Variants in RUVBL1 observed in about 807,000 individuals in gnomAD.
The protein encoded by RUVBL1 is ruvB-like 1.
Under a neutral mutation model 52.4 loss-of-function variants are expected in RUVBL1, and 4 were observed. That is an observed-to-expected ratio of 0.08 (90% CI 0.04 to 0.17). The LOEUF is 0.17. Among genes scored for constraint, RUVBL1 ranks in the 10% least tolerant of loss-of-function variants. The pLI is 1.00. For missense variants in RUVBL1, 298 were observed against 572.8 expected (o/e 0.52, Z 4.90); for synonymous variants, 217 against 214.4 (o/e 1.01, Z -0.10).
At position 128,112,873 on chromosome 3, in the gene RUVBL1, T is replaced by C; in HGVS notation, c.361+15A>G. 1.9e-6 allele frequency: 3 copies of C among 1,611,990 alleles called. No individual in the cohort carries two copies. The highest frequency in any genetic ancestry group is 2.5e-6 in the Non-Finnish European group (3 of 1,179,318). On this transcript the variant is annotated intron_variant, in intron 3 of 10. Transcript: ENST00000322623. ...AAGTGAGACCAACTCCTCCCACAAATGTGACACTACTTACCAATGGCCCTG... is the reference window on the plus strand; with the variant it reads ...AAGTGAGACCAACTCCTCCCACAAACGTGACACTACTTACCAATGGCCCTG...
chr3:128,096,462 C>G (rs546102431), intron 8 of RUVBL1, among the ~76,000 whole-genome samples: 1 of 152,230 alleles, frequency 6.6e-6, no homozygotes, highest in South Asian at 2.1e-4. Context: ...CAAAGGCAGG[C>G]CAAAGGGATG....
chr3:128,079,671 T>G (rs1942418472), downstream of RUVBL1, among the ~76,000 whole-genome samples: 1 of 152,180 alleles, frequency 6.6e-6, no homozygotes, highest in South Asian at 2.1e-4. Context: ...CAGTGTCTCC[T>G]CAGGGGCCAG....
At chr3:128,101,026 A>G (rs1943097806) in intron 5 of RUVBL1, among the ~76,000 whole-genome samples, 1 of 152,210 alleles carries the variant, frequency 6.6e-6, no homozygotes. Flanking sequence ...GGCCAAATCC[A>G]GTAGATTAAC....
rs1157357090 is a variant in RUVBL1 at position 128,081,961 on chromosome 3, A to T, written c.1211+522T>A. 4.3e-5 allele frequency: 7 copies of T among 164,120 alleles called. No homozygotes were observed. The highest frequency in any genetic ancestry group is 1.3e-5 in the Non-Finnish European group (1 of 74,248). 10.2% of individuals were successfully genotyped at this position (164,120 alleles called of 1,614,324 possible). ...TTTTACAATGAGTCAGGCCACTGTG[A>T]AGGGACATGCTCTGCCGGTCCTGTG... is the stretch of plus-strand genomic sequence containing the variant. On this transcript the variant is annotated intron_variant, in intron 10 of 10. Transcript: ENST00000322623. The surrounding 1 kb of genome is among the most constrained non-coding windows in gnomAD (Gnocchi z 4.8).
rs776995836 is a variant in RUVBL1 at position 128,100,676 on chromosome 3, T to A, written c.672A>T (p.Pro224=). ...CTTTCTTTTTGTGCACATCCCCTTT[T>A]GGCAAGGGGACATACTCTTCAGCTT... ...DLEAEEYVPL[P]KGDVHKKKEI... The change falls in exon 6 of 11, where the codon CCA becomes CCT. Residue 224 remains proline, a synonymous_variant. Transcript: ENST00000322623. 23 of 1,613,824 alleles carry A rather than the reference T, an allele frequency of 1.4e-5. No homozygotes were observed. Among genetic ancestry groups the A allele is most frequent in the African/African-American group, 2.7e-5 (2 of 74,888 alleles).
At chr3:128,118,697 T>C (rs1238220131) in intron 2 of RUVBL1, among the ~76,000 whole-genome samples, 1 of 152,202 alleles carries the variant, frequency 6.6e-6, no homozygotes, top group Admixed American at 6.5e-5. Context: ...CTCCCAGCTC[T>C]GAAGGGAAAA....
chr3:128,121,547 T>G (rs1187288415), intron 1 of RUVBL1, among the ~76,000 whole-genome samples: 1 of 151,124 alleles, frequency 6.6e-6, no homozygotes. Context: ...CTGTCTCTAC[T>G]AAATATACAA....
intron 8 of RUVBL1, among the ~76,000 whole-genome samples, chr3:128,094,467 G>C (rs951397312): frequency 6.6e-6 from 1 of 152,198 alleles, no homozygotes; most frequent in Admixed American, 6.5e-5. Flanking sequence ...GCAGCACCCC[G>C]TCAAAGCTCC....
At chr3:128,123,323 G>A (rs1310808059) in intron 1 of RUVBL1, among the ~76,000 whole-genome samples, 6 of 152,174 alleles carry the variant, frequency 3.9e-5, no homozygotes, top group African/African-American at 1.2e-4. Flanking sequence ...GGGTTGTGTG[G>A]GTTTATATCA....
intron 2 of RUVBL1, among the ~76,000 whole-genome samples, chr3:128,114,384 A>G (rs115334117): frequency 2.2e-4 from 34 of 152,358 alleles, no homozygotes; most frequent in African/African-American, 7.9e-4. Flanking sequence ...ATCAGTGTAT[A>G]GCACAGTATA....
In RUVBL1 at chr3:128,082,133, C is replaced by T. The variant is rs551997255; in HGVS notation, c.1211+350G>A. ...GATTTACCAGGCCTCATAACACCAC[C>T]GGGAGAACAGGAGCCAGGGCCCTGG... On this transcript the variant is annotated intron_variant, in intron 10 of 10. Coordinates refer to ENST00000322623, the MANE Select transcript of RUVBL1 (RefSeq NM_003707.3). The surrounding 1 kb of genome is among the most constrained non-coding windows in gnomAD (Gnocchi z 4.7). 2 of 213,752 alleles carry T rather than the reference C, an allele frequency of 9.4e-6. No homozygotes were observed. Among genetic ancestry groups the T allele is most frequent in the East Asian group, 1.2e-4 (1 of 8,142 alleles). 13.2% of individuals were successfully genotyped at this position (213,752 alleles called of 1,614,324 possible).
chr3:128,090,073 G>C (rs1346527280), intron 8 of RUVBL1, among the ~76,000 whole-genome samples: 1 of 152,132 alleles, frequency 6.6e-6, no homozygotes, highest in Admixed American at 6.6e-5. Flanking sequence ...TTTAGAAATA[G>C]TGGCGATGGT....
intron 2 of RUVBL1, among the ~76,000 whole-genome samples, chr3:128,114,006 C>G (rs533418280): frequency 6.6e-6 from 1 of 152,344 alleles, no homozygotes; most frequent in African/African-American, 2.4e-5. Flanking sequence ...TACACTTAAA[C>G]ACGCCCTGTG....
intron 1 of RUVBL1, among the ~76,000 whole-genome samples, chr3:128,144,366 C>T (rs1357142150): frequency 6.6e-6 from 1 of 152,182 alleles, no homozygotes; most frequent in Non-Finnish European, 1.5e-5. Context: ...TTGTAAAGAA[C>T]TTTGAACTAC....
rs758610032 is a variant in RUVBL1 at position 128,098,922 on chromosome 3, C to G, written c.777G>C (p.Met259Ile). The G allele has an allele frequency of 5.5e-5, 88 of 1,613,964 alleles. No individual in the cohort carries two copies. Among genetic ancestry groups the G allele is most frequent in the Non-Finnish European group, 6.2e-5 (73 of 1,179,996 alleles). The change falls in exon 7 of 11, where the codon ATG becomes ATC. Residue 259 changes from methionine to isoleucine, a missense_variant. Around this residue, in one of 5 missense-constraint regions of RUVBL1, gnomAD observed 161 missense variants for 298.3 expected, o/e 0.54. Coordinates refer to ENST00000322623, the MANE Select transcript of RUVBL1 (RefSeq NM_003707.3). ...RPQGGQDILS[M>I]MGQLMKPKKT... Reference sequence around the variant, plus strand: ...TCTTTGGCTTCATTAGCTGGCCCATCATGGACAGGATATCTTGTCCCCCCT... The same window carrying G: ...TCTTTGGCTTCATTAGCTGGCCCATGATGGACAGGATATCTTGTCCCCCCT...
Position 128,101,765 on chromosome 3 carries a change from G to T in RUVBL1, c.514-117C>A, listed in dbSNP as rs141914071. 6.7e-5 allele frequency: 67 copies of T among 1,001,726 alleles called. No homozygotes were observed. In the Middle Eastern group the frequency reaches 1.1e-3, roughly 16 times the overall value. 62.1% of individuals were successfully genotyped at this position (1,001,726 alleles called of 1,614,324 possible). A position where few individuals can be genotyped will look rare whatever the true frequency, so the allele number is the denominator to read the frequency against. ...GCTAGCAGGTGCATGGAGAAAGCCT[G>T]TTTTGCGTTTGCATGAATACTGGGA... On this transcript the variant is annotated intron_variant, in intron 4 of 10. Coordinates refer to ENST00000322623, the MANE Select transcript of RUVBL1 (RefSeq NM_003707.3).
chr3:128,153,721 C>T, exon 1 of RUVBL1: 1 of 1,573,376 alleles, frequency 6.4e-7, no homozygotes. Flanking sequence ...GCCCGAGTTC[C>T]AGGCAGCGCC....
At chr3:128,137,946 T>C (rs1337482816) in intron 1 of RUVBL1, among the ~76,000 whole-genome samples, 1 of 152,182 alleles carries the variant, frequency 6.6e-6, no homozygotes, top group Non-Finnish European at 1.5e-5. Context: ...AAAAGCCATA[T>C]GGTCATTTCA....
intron 8 of RUVBL1, among the ~76,000 whole-genome samples, 194 bp downstream of exon 8, chr3:128,097,106 T>A (rs188719428): frequency 3.9e-5 from 6 of 152,164 alleles, no homozygotes; most frequent in Admixed American, 2.0e-4. Flanking sequence ...TCCTCATGAG[T>A]GACAGGACAG....
Sources: gnomAD v4.1 joint callset for allele counts (sites outside exome capture counted in the v4.1 genomes callset) on GRCh38, gnomAD v4.1.1 for gene constraint, gnomAD v4.1.1 regional missense constraint, Gnocchi (gnomAD v3.1) non-coding constraint, MANE v1.5 for transcripts, NCBI Gene and HGNC (gene_info 2026-07-23, HGNC 2026-07-21) for gene names.